MIAT: variants seen among roughly 807,000 people sequenced by gnomAD.
The protein encoded by MIAT is MI related novel mRNA.
chr22:26,673,270 C>T (rs1476088373), downstream of MIAT: 29 of 398,834 alleles, frequency 7.3e-5, no homozygotes, highest in East Asian at 1.0e-3. Flanking sequence ...CCGCCAGCCG[C>T]TAAGCCGGGG....
chr22:26,674,739 C>T, exon 5 of MIAT: 2 of 398,652 alleles, frequency 5.0e-6, no homozygotes, highest in African/African-American at 4.1e-5. Context: ...GCCTGCCATC[C>T]TCTAGTGGCT....
At chr22:26,653,607 G>A (rs1930375830) in intron 2 of MIAT, among the ~76,000 whole-genome samples, 2 of 152,158 alleles carry the variant, frequency 1.3e-5, no homozygotes, top group South Asian at 4.1e-4. Flanking sequence ...GATTAAAGGA[G>A]AAGTATGTAA....
chr22:26,668,131 A>G, intron 5 of MIAT: 3 of 398,604 alleles, frequency 7.5e-6, no homozygotes, highest in Non-Finnish European at 1.3e-5. Flanking sequence ...CTGTGGCCTC[A>G]TCCTCACTCG....
chr22:26,660,591 TTTCAGTG>T (rs1440172463), intron 2 of MIAT: 2 of 152,170 alleles, frequency 1.3e-5, no homozygotes, highest in East Asian at 3.8e-4. Flanking sequence ...TTATGAGAGA[TTTCAGTG>T]TTTCATGGAG....
At chr22:26,661,912 AGAT>A in intron 2 of MIAT, among the ~76,000 whole-genome samples, 1 of 131,502 alleles carries the variant, frequency 7.6e-6, no homozygotes, top group Non-Finnish European at 1.6e-5. Flanking sequence ...GGATCTATAT[AGAT>A]CCATATATAT....
At chr22:26,651,660 A>G (rs1363108124) in intron 2 of MIAT, among the ~76,000 whole-genome samples, 3 of 152,280 alleles carry the variant, frequency 2.0e-5, no homozygotes, top group African/African-American at 7.2e-5. Context: ...TCAGTGGATG[A>G]ATGGATGAAT....
chr22:26,647,333 C>T, intron 2 of MIAT: 1 of 297,666 alleles, frequency 3.4e-6, no homozygotes, highest in Non-Finnish European at 6.0e-6. Flanking sequence ...CCATGATGAA[C>T]CTCACGGGTT....
intron 2 of MIAT, among the ~76,000 whole-genome samples, chr22:26,648,449 C>T (rs970482971): frequency 1.3e-4 from 19 of 151,950 alleles, no homozygotes; most frequent in Admixed American, 4.6e-4. Context: ...AGGCTCCCTG[C>T]GACCTCAGGC....
intron 2 of MIAT, chr22:26,657,496 A>C (rs1048910426): frequency 5.0e-6 from 2 of 398,610 alleles, no homozygotes; most frequent in Non-Finnish European, 4.4e-6. Context: ...TACAAAGACG[A>C]CGCCGGCTGC....
chr22:26,660,479 AAAG>A (rs1160291508), intron 2 of MIAT, among the ~76,000 whole-genome samples: 7 of 139,758 alleles, frequency 5.0e-5, no homozygotes, highest in East Asian at 4.3e-4. Context: ...AAAAAAAAAA[AAAG>A]AAGAAGAAGA....
intron 5 of MIAT, chr22:26,667,658 G>C (rs73163291): frequency 0.069 from 14,385 of 208,426 alleles, 602 homozygotes; most frequent in South Asian, 0.1. Flanking sequence ...AGCTTTCATT[G>C]CTTCCTCTTT....
At chr22:26,673,322 C>T, downstream of MIAT, 1 of 398,826 alleles carries the variant, frequency 2.5e-6, no homozygotes, top group Non-Finnish European at 4.4e-6. Flanking sequence ...CCAGTAGGCA[C>T]CTTGGTTTCT....
chr22:26,671,599 GCT>G, downstream of MIAT: 1 of 398,786 alleles, frequency 2.5e-6, no homozygotes, highest in Non-Finnish European at 4.4e-6. Context: ...GGCAGCCAAG[GCT>G]CCAGAAGGCT....
At chr22:26,647,358 C>T (rs1312763221) in intron 2 of MIAT, 8 of 48,586 alleles carry the variant, frequency 1.6e-4, no homozygotes, top group Non-Finnish European at 3.0e-4. Context: ...GTGGGGGCGG[C>T]GGGGACGTGG....
intron 2 of MIAT, among the ~76,000 whole-genome samples, chr22:26,661,961 T>TACACAC (rs1555948831): frequency 2.3e-4 from 10 of 44,010 alleles, no homozygotes; most frequent in East Asian, 5.1e-4. Flanking sequence ...TATATATATA[T>TACACAC]ACACACACAC....
intron 3 of MIAT, among the ~76,000 whole-genome samples, chr22:26,664,489 C>T (rs921656137): frequency 2.0e-5 from 3 of 152,218 alleles, no homozygotes; most frequent in African/African-American, 4.8e-5. Flanking sequence ...TAAGATCTCT[C>T]ATACCCATTT....
At chr22:26,656,434 A>G (rs1377740095) in intron 2 of MIAT, among the ~76,000 whole-genome samples, 1 of 148,738 alleles carries the variant, frequency 6.7e-6, no homozygotes, top group Non-Finnish European at 1.5e-5. Flanking sequence ...GAGTGATTCT[A>G]GTGCCTCAGC....
chr22:26,671,525 C>T (rs1466520086), downstream of MIAT: 1 of 398,318 alleles, frequency 2.5e-6, no homozygotes, highest in African/African-American at 2.1e-5. Context: ...TACTAACCAC[C>T]CCCCCGCAGC....
intron 4 of MIAT, chr22:26,667,092 T>C (rs547886478): frequency 3.1e-6 from 1 of 322,338 alleles, no homozygotes; most frequent in South Asian, 1.5e-4. Flanking sequence ...CTGGAATGCT[T>C]GCTCTGTGTG....
Sources: allele counts gnomAD v4.1 joint callset (sites outside exome capture counted in the v4.1 genomes callset), GRCh38; gene constraint gnomAD v4.1.1; transcripts MANE v1.5; gene names NCBI Gene and HGNC (gene_info 2026-07-23, HGNC 2026-07-21).